The following SAXO1 variants were observed in gnomAD, a reference collection of about 807,000 sequenced individuals.
The protein encoded by SAXO1 is stabilizer of axonemal microtubules 1.
A neutral mutation model predicts 17.5 loss-of-function variants in SAXO1; 21 were observed. The observed-to-expected ratio is 1.20, with a 90% CI of 0.85 to 1.72. SAXO1 has a LOEUF of 1.72. Among genes scored for constraint, SAXO1 ranks in the 40% most tolerant of loss-of-function variants. SAXO1 has a pLI of 0.00. For missense variants in SAXO1, 843 were observed against 596.0 expected, an observed-to-expected ratio of 1.41 and a Z score of -4.32; for synonymous variants, 274 against 216.5, an observed-to-expected ratio of 1.27 and a Z score of -2.33.
upstream of SAXO1, among the ~76,000 whole-genome samples, chr9:19,037,408 T>C (rs1301290279): frequency 6.6e-6 from 1 of 151,426 alleles, no homozygotes; most frequent in African/African-American, 2.4e-5. Context: ...TAAATTGTAC[T>C]CCCATAATTC....
chr9:18,955,036 G>C (rs896268238), intron 1 of SAXO1, among the ~76,000 whole-genome samples: 2 of 151,974 alleles, frequency 1.3e-5, no homozygotes, highest in Admixed American at 6.6e-5. Flanking sequence ...AGCCACATTA[G>C]AAGGGTAAAA....
intron 1 of SAXO1, among the ~76,000 whole-genome samples, chr9:19,003,275 G>A (rs201028118): frequency 4.6e-5 from 7 of 152,116 alleles, no homozygotes; most frequent in East Asian, 3.8e-4. Flanking sequence ...TATTCCATGC[G>A]CATGGATAGG....
rs73645545 is a variant in SAXO1 at position 18,954,942 on chromosome 9, A to G, written c.39-4005T>C. Among the ~76,000 whole-genome samples, 918 of 152,130 alleles carry G rather than the reference A, an allele frequency of 6.0e-3. 8 individuals are homozygous for G. The highest frequency in any genetic ancestry group is 0.021 in the African/African-American group (861 of 41,550). On this transcript the variant is annotated intron_variant, in intron 1 of 3. Coordinates refer to ENST00000380534, the MANE Select transcript of SAXO1 (RefSeq NM_153707.4). ...GTTAAAAAAAAAAAACAAGAATATA[A>G]TAGGTTCCTCTAGAATAACATCATC... is the stretch of plus-strand genomic sequence containing the variant.
At chr9:18,984,216 C>T (rs892412436) in intron 1 of SAXO1, among the ~76,000 whole-genome samples, 3 of 152,164 alleles carry the variant, frequency 2.0e-5, no homozygotes, top group African/African-American at 7.2e-5. Flanking sequence ...ATTTATAGGG[C>T]ATAGGCAGAG....
intron 1 of SAXO1, among the ~76,000 whole-genome samples, chr9:19,005,796 T>A (rs143411851): frequency 6.6e-6 from 1 of 152,318 alleles, no homozygotes; most frequent in African/African-American, 2.4e-5. Context: ...TAGAAACTTC[T>A]GTGTAAACAA....
chr9:18,955,877 A>G (rs1391830923), intron 1 of SAXO1, among the ~76,000 whole-genome samples: 1 of 151,948 alleles, frequency 6.6e-6, no homozygotes, highest in Non-Finnish European at 1.5e-5. Flanking sequence ...CAGAGTGTGC[A>G]TGAGATTATG....
intron 1 of SAXO1, among the ~76,000 whole-genome samples, chr9:19,028,733 T>A (rs1383028962): frequency 2.0e-5 from 3 of 152,206 alleles, no homozygotes; most frequent in Admixed American, 2.0e-4. Context: ...AGCCTTGAGC[T>A]TGACGCAGTA....
intron 1 of SAXO1, among the ~76,000 whole-genome samples, chr9:18,964,019 T>C (rs145622877): frequency 9.8e-4 from 150 of 152,346 alleles, no homozygotes; most frequent in African/African-American, 3.4e-3. Flanking sequence ...TCTGTATCTA[T>C]TGAGATAATC....
intron 1 of SAXO1, among the ~76,000 whole-genome samples, chr9:18,956,110 A>T (rs1832248009): frequency 7.8e-6 from 1 of 128,812 alleles, no homozygotes; most frequent in Non-Finnish European, 1.6e-5. Context: ...AACCTGGCTA[A>T]TTTTTTTTTT....
rs150110324 is a variant in SAXO1, at chr9:18,928,595, G to C, written c.882C>G (p.Tyr294Ter). The C allele has an allele frequency of 1.9e-6, 3 of 1,614,050 alleles. No homozygotes were observed. In the African/African-American group the frequency reaches 4.0e-5, roughly 22 times the overall value. ...GATCCATCCTGTCTTCGGGAGGGACGTAGGTGATGGGAGCTTTGGAGAACA... is the reference window on the plus strand; with the variant it reads ...GATCCATCCTGTCTTCGGGAGGGACCTAGGTGATGGGAGCTTTGGAGAACA... ...PRMFSKAPIT[Y>*]VPPEDRMDLL... Residue 294 changes from tyrosine (Y) to a stop codon, truncating the protein, a stop_gained, in exon 4 of 4, where the codon TAC becomes TAG. Coordinates refer to ENST00000380534, the MANE Select transcript of SAXO1 (RefSeq NM_153707.4). LOFTEE classifies it low-confidence loss of function (END_TRUNC).
intron 1 of SAXO1, among the ~76,000 whole-genome samples, chr9:18,973,317 A>G (rs147442126): frequency 3.9e-4 from 60 of 152,368 alleles, no homozygotes; most frequent in Non-Finnish European, 7.3e-4. Context: ...AGAATCATCT[A>G]AAGTACCAGC....
chr9:18,941,549 A>T (rs1831558131), intron 3 of SAXO1, 88 bp downstream of exon 3: 1 of 1,471,082 alleles, frequency 6.8e-7, no homozygotes, highest in South Asian at 1.2e-5. Context: ...CTCTTGCACT[A>T]ACTGAGTATG....
At chr9:18,977,232 G>A (rs1371939055) in intron 1 of SAXO1, among the ~76,000 whole-genome samples, 2 of 152,118 alleles carry the variant, frequency 1.3e-5, no homozygotes, top group African/African-American at 4.8e-5. Flanking sequence ...AACCTCAACT[G>A]AAAACTGTGG....
In SAXO1 at chr9:19,021,271, C is replaced by G. The variant is rs529731265; in HGVS notation, c.38+11600G>C. 2.7e-3 allele frequency among the ~76,000 whole-genome samples: 414 copies of G among 152,266 alleles called. 7 individuals are homozygous for G. The South Asian group carries it at 0.035, about 13-fold the overall frequency. On this transcript the variant is annotated intron_variant, in intron 1 of 3. Coordinates refer to ENST00000380534, the MANE Select transcript of SAXO1 (RefSeq NM_153707.4). The stretch of plus-strand genomic sequence containing the variant: ...GGTATGAAGCTAGGGCTGGGGTAGC[C>G]ACAGACAGCCAACGTGCAGAGGAAG...
At position 19,049,006 on chromosome 9, in the gene SAXO1, C is replaced by G. The variant is rs1236805238; in HGVS notation, c.-158+203G>C. Among the ~76,000 whole-genome samples the G allele has an allele frequency of 1.3e-5, 2 of 152,238 alleles. No individual in the cohort carries two copies. Among genetic ancestry groups the G allele is most frequent in the African/African-American group, 2.4e-5 (1 of 41,464 alleles). ...CCTGCACAGTCTCCATCTGCCCTGC[C>G]CTTGTACTCACTGGGCCGGGCAAGC... On this transcript the variant is annotated intron_variant, in intron 1 of 3. Coordinates refer to the SAXO1 transcript ENST00000542071. The surrounding 1 kb of genome is among the most constrained non-coding windows in gnomAD (Gnocchi z 5.4).
chr9:18,977,823 G>T (rs1043289235), intron 1 of SAXO1, among the ~76,000 whole-genome samples: 1 of 151,692 alleles, frequency 6.6e-6, no homozygotes. Flanking sequence ...GCAAAACCCC[G>T]TCTCTACCAA....
At chr9:19,030,570 G>T (rs973763739) in intron 1 of SAXO1, among the ~76,000 whole-genome samples, 3 of 152,130 alleles carry the variant, frequency 2.0e-5, no homozygotes, top group Non-Finnish European at 2.9e-5. Context: ...GCCCAGCATG[G>T]TGGTGGGTAC....
intron 1 of SAXO1, chr9:19,027,598 G>C: frequency 7.0e-7 from 1 of 1,431,024 alleles, no homozygotes; most frequent in Non-Finnish European, 9.9e-7. Flanking sequence ...CTGGCCCCCA[G>C]CTGGTGCAGA....
intron 1 of SAXO1, among the ~76,000 whole-genome samples, chr9:18,994,672 G>A (rs1725094293): frequency 6.6e-6 from 1 of 152,208 alleles, no homozygotes; most frequent in Admixed American, 6.5e-5. Context: ...CTCTGCTCGG[G>A]TAAGCAGTCC....
Sources: gnomAD v4.1 joint callset for allele counts (sites outside exome capture counted in the v4.1 genomes callset) on GRCh38, gnomAD v4.1.1 for gene constraint, Gnocchi (gnomAD v3.1) non-coding constraint, MANE v1.5 for transcripts, NCBI Gene and HGNC (gene_info 2026-07-23, HGNC 2026-07-21) for gene names.